The following TPRG1 variants were observed in gnomAD, a reference collection of about 807,000 sequenced individuals.
TPRG1 encodes tumor protein p63-regulated gene 1 protein.
TPRG1 carries 29 observed loss-of-function variants against 29.3 expected under a neutral mutation model. The ratio of observed to expected loss-of-function variants is 0.99; its 90% CI spans 0.74 to 1.35. The LOEUF is 1.35. TPRG1 is among the 40% of genes most tolerant of loss of function. The pLI is 0.00. For missense variants in TPRG1, 327 were observed against 335.0 expected, an observed-to-expected ratio of 0.98 and a Z score of 0.19; for synonymous variants, 130 against 116.8, an observed-to-expected ratio of 1.11 and a Z score of -0.73.
At chr3:189,109,537 A>G (rs950760208) in intron 1 of TPRG1, among the ~76,000 whole-genome samples, 1 of 152,226 alleles carries the variant, frequency 6.6e-6, no homozygotes, top group African/African-American at 2.4e-5. Context: ...GAAGAACTGA[A>G]GATAAGTTCA....
intron 4 of TPRG1, among the ~76,000 whole-genome samples, chr3:189,302,864 C>T (rs1174527450): frequency 6.6e-6 from 1 of 152,122 alleles, no homozygotes; most frequent in African/African-American, 2.4e-5. Flanking sequence ...CCTAGTTTCC[C>T]TGTCAATAGA....
intron 4 of TPRG1, among the ~76,000 whole-genome samples, chr3:189,258,655 T>A (rs1209383507): frequency 2.0e-5 from 3 of 152,168 alleles, no homozygotes; most frequent in Non-Finnish European, 4.4e-5. Flanking sequence ...GATTTATCTA[T>A]AAGCCCCTGA....
At chr3:189,203,884 A>G (rs1473293342) in intron 1 of TPRG1, among the ~76,000 whole-genome samples, 3 of 152,092 alleles carry the variant, frequency 2.0e-5, no homozygotes, top group Admixed American at 2.0e-4. Flanking sequence ...TACCAAAAAT[A>G]CAAAAAATTA....
upstream of TPRG1, among the ~76,000 whole-genome samples, chr3:189,097,525 G>A (rs1044246998): frequency 2.0e-5 from 3 of 152,106 alleles, no homozygotes; most frequent in South Asian, 2.1e-4. Flanking sequence ...GAAGCCCTTC[G>A]TGCATATTTC....
Position 189,298,458 on chromosome 3 carries a change from A to G in TPRG1, c.480-11928A>G, listed in dbSNP as rs1356719808. Among the ~76,000 whole-genome samples, 4 of 152,234 alleles carry G rather than the reference A, an allele frequency of 2.6e-5. No homozygotes were observed. The East Asian group carries it at 7.7e-4, about 29-fold the overall frequency. On this transcript the variant is annotated intron_variant, in intron 4 of 5. Transcript: ENST00000345063. ...CAGAGGAGGAAACATACTGAGTGTT[A>G]AAGTGACTTCTCCAAGGTCACACAG...
intron 4 of TPRG1, among the ~76,000 whole-genome samples, chr3:189,030,707 T>C (rs1361253804): frequency 6.6e-6 from 1 of 152,188 alleles, no homozygotes; most frequent in African/African-American, 2.4e-5. Context: ...GAGTGGAGTG[T>C]ACAACCTGTT....
intron 1 of TPRG1, among the ~76,000 whole-genome samples, chr3:189,200,359 C>T (rs1053047206): frequency 2.0e-5 from 3 of 152,186 alleles, no homozygotes; most frequent in Non-Finnish European, 2.9e-5. Context: ...GTTTATCCAC[C>T]GCACATCCCT....
chr3:189,246,333 G>A (rs903760933), intron 4 of TPRG1, among the ~76,000 whole-genome samples: 1 of 151,886 alleles, frequency 6.6e-6, no homozygotes, highest in Non-Finnish European at 1.5e-5. Context: ...CCTAGTCTTG[G>A]GTATTTCTTC....
chr3:189,312,810 T>C (rs1722917151), intron 5 of TPRG1, among the ~76,000 whole-genome samples: 1 of 152,182 alleles, frequency 6.6e-6, no homozygotes, highest in Non-Finnish European at 1.5e-5. Flanking sequence ...ATTAATAGAC[T>C]AGAGCATTGG....
At chr3:189,096,107 T>C (rs1351030091), upstream of TPRG1, among the ~76,000 whole-genome samples, 1 of 152,236 alleles carries the variant, frequency 6.6e-6, no homozygotes, top group African/African-American at 2.4e-5. Context: ...CAAACAGTTA[T>C]TAAACACCAG....
chr3:189,148,581 G>T (rs1396272792), intron 4 of TPRG1, among the ~76,000 whole-genome samples: 1 of 152,178 alleles, frequency 6.6e-6, no homozygotes, highest in Non-Finnish European at 1.5e-5. Context: ...AGCCTGGCTG[G>T]TAAGTAAGGA....
At chr3:189,006,115 A>G (rs751876591) in intron 3 of TPRG1, among the ~76,000 whole-genome samples, 1 of 152,052 alleles carries the variant, frequency 6.6e-6, no homozygotes, top group Non-Finnish European at 1.5e-5. Flanking sequence ...AAATTGGTAA[A>G]ACTACGAAGC....
intron 4 of TPRG1, among the ~76,000 whole-genome samples, chr3:189,285,911 TATATC>T (rs1200451362): frequency 1.3e-5 from 2 of 152,178 alleles, no homozygotes; most frequent in Non-Finnish European, 2.9e-5. Context: ...ATATTTCACT[TATATC>T]AGTTTGTAGT....
At chr3:189,046,836 C>T (rs574983086) in intron 4 of TPRG1, among the ~76,000 whole-genome samples, 1 of 152,236 alleles carries the variant, frequency 6.6e-6, no homozygotes, top group African/African-American at 2.4e-5. Flanking sequence ...GTTCTTTTAA[C>T]TGTCTTCCCC....
chr3:189,273,789 C>A (rs527801377), intron 4 of TPRG1, among the ~76,000 whole-genome samples: 149 of 152,286 alleles, frequency 9.8e-4, no homozygotes, highest in Admixed American at 6.9e-3. Flanking sequence ...CTCTTCCAAG[C>A]CATAGGCCTA....
chr3:189,087,942 A>T (rs1347760286), intron 4 of TPRG1, among the ~76,000 whole-genome samples: 1 of 152,198 alleles, frequency 6.6e-6, no homozygotes, highest in African/African-American at 2.4e-5. Flanking sequence ...AGGTAGCATG[A>T]TGCCTCCAGC....
chr3:189,066,580 A>G (rs541743073), intron 4 of TPRG1, among the ~76,000 whole-genome samples: 4 of 152,240 alleles, frequency 2.6e-5, no homozygotes, highest in South Asian at 2.1e-4. Flanking sequence ...GACCATTTCA[A>G]TTGATGCTGA....
chr3:189,266,711 C>G (rs1227473769), intron 4 of TPRG1, among the ~76,000 whole-genome samples: 1 of 151,540 alleles, frequency 6.6e-6, no homozygotes, highest in Non-Finnish European at 1.5e-5. Context: ...AAATGGCTCC[C>G]TAAAACACCT....
chr3:189,075,686 C>T (rs1189226870), intron 4 of TPRG1, among the ~76,000 whole-genome samples: 1 of 152,152 alleles, frequency 6.6e-6, no homozygotes, highest in Non-Finnish European at 1.5e-5. Flanking sequence ...AATTAGTTGC[C>T]TTGGTCAGTT....
Sources: allele counts gnomAD v4.1 joint callset (sites outside exome capture counted in the v4.1 genomes callset), GRCh38; gene constraint gnomAD v4.1.1; transcripts MANE v1.5; gene names NCBI Gene and HGNC (gene_info 2026-07-23, HGNC 2026-07-21).